The following MSI2 variants were observed in gnomAD, a reference collection of about 807,000 sequenced individuals.
The protein encoded by MSI2 is RNA-binding protein Musashi homolog 2.
MSI2 carries 17 observed loss-of-function variants against 45.6 expected under a neutral mutation model. That is an observed-to-expected ratio of 0.37 (90% confidence interval 0.26 to 0.56). The LOEUF (loss-of-function observed/expected upper bound fraction) is 0.56. MSI2 is among the 20% of genes least tolerant of loss of function. The pLI, the probability that MSI2 is intolerant of heterozygous loss-of-function variation, is 0.77. For missense variants in MSI2, 293 were observed against 444.2 expected (o/e 0.66, Z 3.06); for synonymous variants, 156 against 158.2 (o/e 0.99, Z 0.11).
intron 6 of MSI2, among the ~76,000 whole-genome samples, chr17:57,415,547 AT>A (rs751199310): frequency 3.3e-5 from 5 of 152,212 alleles, no homozygotes; most frequent in Admixed American, 6.5e-5. Context: ...ATACAATTTC[AT>A]TTACAATGGG....
At chr17:57,337,341 C>A (rs1026828423) in intron 5 of MSI2, among the ~76,000 whole-genome samples, 1 of 152,148 alleles carries the variant, frequency 6.6e-6, no homozygotes, top group Non-Finnish European at 1.5e-5. Context: ...CCCAGGAACC[C>A]CTTTGGGGTC....
chr17:57,620,099 A>C (rs1255615298), intron 9 of MSI2, among the ~76,000 whole-genome samples: 1 of 152,212 alleles, frequency 6.6e-6, no homozygotes, highest in Non-Finnish European at 1.5e-5. Flanking sequence ...AGCCCTAGCC[A>C]GAGCAGGGCT....
At chr17:57,470,543 G>T (rs1255958450) in intron 6 of MSI2, among the ~76,000 whole-genome samples, 1 of 152,214 alleles carries the variant, frequency 6.6e-6, no homozygotes, top group Non-Finnish European at 1.5e-5. Context: ...CTCCCAAAGT[G>T]CTGGGGTTAC....
Position 57,262,330 on chromosome 17 carries a change from A to G in MSI2, c.312+138A>G, listed in dbSNP as rs1907384544. The G allele has an allele frequency of 4.5e-6, 4 of 890,162 alleles. No homozygotes were observed. In the Admixed American group the frequency reaches 9.0e-5, roughly 20 times the overall value. 55.1% of individuals were successfully genotyped at this position (890,162 alleles called of 1,614,324 possible). A position where few individuals can be genotyped will look rare whatever the true frequency, so the allele number is the denominator to read the frequency against. ...TCGGGGTATCAGGACAGGCTGGGCA[A>G]GTAGTCCTGTGAGATAACCATGCGT... On this transcript the variant is annotated intron_variant, in intron 5 of 13. Coordinates refer to ENST00000284073, the MANE Select transcript of MSI2 (RefSeq NM_138962.4).
At chr17:57,433,581 T>G (rs1272029707) in intron 6 of MSI2, among the ~76,000 whole-genome samples, 1 of 152,196 alleles carries the variant, frequency 6.6e-6, no homozygotes, top group Non-Finnish European at 1.5e-5. Flanking sequence ...TGCAGGACTT[T>G]GTTACAGCAG....
chr17:57,458,375 T>C (rs143640070), intron 6 of MSI2, among the ~76,000 whole-genome samples: 42 of 152,300 alleles, frequency 2.8e-4, no homozygotes, highest in African/African-American at 9.9e-4. Context: ...GCTGGGATTA[T>C]AGGCGTGAGC....
At chr17:57,398,412 A>AG (rs1329857489) in intron 5 of MSI2, among the ~76,000 whole-genome samples, 4 of 152,220 alleles carry the variant, frequency 2.6e-5, no homozygotes, top group Admixed American at 1.3e-4. Context: ...GGCTGGGGTA[A>AG]GGGAAAAAAA....
At chr17:57,420,638 C>A (rs2084377767) in intron 6 of MSI2, among the ~76,000 whole-genome samples, 1 of 152,182 alleles carries the variant, frequency 6.6e-6, no homozygotes, top group African/African-American at 2.4e-5. Flanking sequence ...CTTCTTGGGT[C>A]TTTGACACCA....
At chr17:57,513,859 G>C (rs553257918) in intron 6 of MSI2, among the ~76,000 whole-genome samples, 2 of 152,278 alleles carry the variant, frequency 1.3e-5, no homozygotes, top group East Asian at 3.9e-4. Context: ...TGGAGCTAAA[G>C]TAGGAAAAAT....
chr17:57,477,665 G>A (rs1254005655), intron 6 of MSI2, among the ~76,000 whole-genome samples: 2 of 152,276 alleles, frequency 1.3e-5, no homozygotes, highest in East Asian at 3.9e-4. Flanking sequence ...GCACCCAAGG[G>A]GACTAGACTA....
chr17:57,381,969 A>G (rs777588697), intron 5 of MSI2, among the ~76,000 whole-genome samples: 2 of 152,254 alleles, frequency 1.3e-5, no homozygotes, highest in Non-Finnish European at 2.9e-5. Context: ...ATGAAAAGAC[A>G]TGGTCTCTGC....
chr17:57,432,945 G>A (rs867517841), intron 6 of MSI2, among the ~76,000 whole-genome samples: 5 of 152,230 alleles, frequency 3.3e-5, no homozygotes, highest in South Asian at 4.2e-4. Context: ...GCTACCAGAC[G>A]CGACTTCCTG....
At chr17:57,411,599 G>A (rs1232949878) in intron 6 of MSI2, among the ~76,000 whole-genome samples, 1 of 152,156 alleles carries the variant, frequency 6.6e-6, no homozygotes, top group Non-Finnish European at 1.5e-5. Context: ...GGGGCCCAAG[G>A]TTCAAATCTA....
chr17:57,613,135 AC>A (rs1907334526), intron 8 of MSI2, among the ~76,000 whole-genome samples: 1 of 152,340 alleles, frequency 6.6e-6, no homozygotes, highest in African/African-American at 2.4e-5. Flanking sequence ...GCATTATCTT[AC>A]AAAAACCTGC....
chr17:57,425,326 A>C (rs933002211), intron 6 of MSI2, among the ~76,000 whole-genome samples: 5 of 152,228 alleles, frequency 3.3e-5, no homozygotes, highest in African/African-American at 1.2e-4. Context: ...AAAAACGAAA[A>C]GACATACTAG....
chr17:57,649,166 C>T (rs538915747), intron 10 of MSI2, among the ~76,000 whole-genome samples: 1 of 151,794 alleles, frequency 6.6e-6, no homozygotes, highest in Non-Finnish European at 1.5e-5. Context: ...ACACACACAT[C>T]TACATATACC....
Position 57,407,308 on chromosome 17 carries a change from T to C in MSI2, c.405+5837T>C, listed in dbSNP as rs1209452741. ...CTGTGCAGGTGCGAAGCTGCATTCA[T>C]GGCCCCCACTCAGACACCCCTTTTG... is the stretch of plus-strand genomic sequence containing the variant. On this transcript the variant is annotated intron_variant, in intron 6 of 13. Transcript: ENST00000284073. This position sits in a 1 kb window ranked among gnomAD's most constrained non-coding sequence, Gnocchi z 4.1. Among the ~76,000 whole-genome samples the C allele has an allele frequency of 6.6e-6, 1 of 152,136 alleles. No homozygotes were observed. The highest frequency in any genetic ancestry group is 6.5e-5 in the Admixed American group (1 of 15,290).
chr17:57,421,406 A>G (rs1354194372), intron 6 of MSI2, among the ~76,000 whole-genome samples: 2 of 152,080 alleles, frequency 1.3e-5, no homozygotes, highest in Non-Finnish European at 2.9e-5. Context: ...CTTGCACAGG[A>G]CGGAGTAGAT....
intron 6 of MSI2, among the ~76,000 whole-genome samples, chr17:57,423,665 C>T (rs925519679): frequency 1.3e-5 from 2 of 152,170 alleles, no homozygotes; most frequent in African/African-American, 4.8e-5. Flanking sequence ...GTCATCTTTC[C>T]TTCTTGACTT....
Sources: allele counts gnomAD v4.1 joint callset (sites outside exome capture counted in the v4.1 genomes callset), GRCh38; gene constraint gnomAD v4.1.1; non-coding constraint Gnocchi (gnomAD v3.1); transcripts MANE v1.5; gene names NCBI Gene and HGNC (gene_info 2026-07-23, HGNC 2026-07-21).